The following DNM1L variants were observed in gnomAD, a reference collection of about 807,000 sequenced individuals.
DNM1L encodes dynamin 1L, also known as dynamin-1-like protein.
Under a neutral mutation model 92.8 loss-of-function variants are expected in DNM1L, and 33 were observed. The ratio of observed to expected loss-of-function variants is 0.36; its 90% confidence interval spans 0.27 to 0.48. DNM1L has a LOEUF of 0.48. Among genes scored for constraint, DNM1L ranks in the 20% least tolerant of loss-of-function variants. The probability of loss-of-function intolerance (pLI) is 0.99; values close to 1 mark genes in which losing one functional copy is unlikely to be tolerated. For synonymous variants in DNM1L, 284 were observed against 305.0 expected (o/e 0.93, Z 0.72); for missense variants, 485 against 888.8 (o/e 0.55, Z 5.78).
chr12:32,720,584 A>G, intron 7 of DNM1L, 80 bp from the exon 8 acceptor site: 1 of 1,592,730 alleles, frequency 6.3e-7, no homozygotes, highest in Non-Finnish European at 8.6e-7. Flanking sequence ...ATTAGAGAAC[A>G]ATGCCTGGTG....
At position 32,744,833 on chromosome 12, in the gene DNM1L, C is replaced by G. The variant is rs568934758; in HGVS notation, c.*1423C>G. On this transcript the variant is annotated 3_prime_UTR_variant, in exon 20 of 20. Transcript: ENST00000549701. ...AACATATACATATTTTGTTAAAATT[C>G]CCCAGATGATTCTTGGTATGAACGA... The G allele has an allele frequency of 2.1e-6, 1 of 481,750 alleles. No homozygotes were observed. The highest frequency in any genetic ancestry group is 5.9e-5 in the East Asian group (1 of 17,008). The allele number at this position is 481,750 out of a possible 1,614,324, so 29.8% of individuals were successfully genotyped here.
At position 32,731,248 on chromosome 12, in the gene DNM1L, A is replaced by T; in HGVS notation, c.1201-108A>T. 2.5e-6 allele frequency: 4 copies of T among 1,583,856 alleles called. No homozygotes were observed. The highest frequency in any genetic ancestry group is 3.4e-6 in the Non-Finnish European group (4 of 1,163,124). On this transcript the variant is annotated intron_variant, in intron 10 of 19. Transcript: ENST00000549701. The surrounding 1 kb of genome is among the most constrained non-coding windows in gnomAD (Gnocchi z 5.1). The stretch of plus-strand genomic sequence containing the variant: ...ACAGTTTATTTTGCTCTCATATTTG[A>T]AATTAAAAAGCATTTTTCATGAAAA...
chr12:32,699,139 A>G (rs1209546139), intron 1 of DNM1L, among the ~76,000 whole-genome samples: 1 of 152,202 alleles, frequency 6.6e-6, no homozygotes, highest in Non-Finnish European at 1.5e-5. Context: ...TTCTGTAACT[A>G]ACTCTCAAAT....
chr12:32,709,213 A>G (rs1353394528), intron 4 of DNM1L, among the ~76,000 whole-genome samples: 1 of 152,112 alleles, frequency 6.6e-6, no homozygotes, highest in Admixed American at 6.5e-5. Flanking sequence ...ATTTCTAGTA[A>G]CCATGTTGTA....
At chr12:32,689,885 T>C (rs1403066581) in intron 1 of DNM1L, among the ~76,000 whole-genome samples, 3 of 152,188 alleles carry the variant, frequency 2.0e-5, no homozygotes, top group Admixed American at 6.5e-5. Flanking sequence ...CAGTGCAGTT[T>C]GGAAGAAACT....
At chr12:32,685,102 G>A (rs973667635) in intron 1 of DNM1L, among the ~76,000 whole-genome samples, 8 of 151,830 alleles carry the variant, frequency 5.3e-5, no homozygotes, top group Non-Finnish European at 1.0e-4. Context: ...ACCACGCCCA[G>A]CTAATTTTTT....
intron 8 of DNM1L, 36 bp downstream of exon 8, chr12:32,720,831 G>A: frequency 6.2e-7 from 1 of 1,610,276 alleles, no homozygotes; most frequent in East Asian, 2.2e-5. Context: ...AGATGTGTTT[G>A]TTTTTACCAA....
chr12:32,694,707 C>T (rs961112743), intron 1 of DNM1L, among the ~76,000 whole-genome samples: 1 of 152,040 alleles, frequency 6.6e-6, no homozygotes, highest in Admixed American at 6.6e-5. Flanking sequence ...AAAATGTGTA[C>T]AAGAAAATTA....
chr12:32,729,480 G>A (rs1402255070), intron 9 of DNM1L, among the ~76,000 whole-genome samples: 3 of 152,202 alleles, frequency 2.0e-5, no homozygotes, highest in East Asian at 3.9e-4. Context: ...CTTTGAGACA[G>A]AGCCTCACTT....
chr12:32,719,902 G>T (rs1348167724), intron 7 of DNM1L, among the ~76,000 whole-genome samples: 5 of 152,100 alleles, frequency 3.3e-5, no homozygotes, highest in African/African-American at 1.2e-4. Context: ...GGATTCGGAT[G>T]AATATCTCTT....
chr12:32,712,214 T>G (rs913809430), intron 5 of DNM1L, among the ~76,000 whole-genome samples: 6 of 152,184 alleles, frequency 3.9e-5, no homozygotes, highest in Non-Finnish European at 5.9e-5. Flanking sequence ...TTGTCATTCC[T>G]TGACTTAAAA....
chr12:32,735,427 G>A (rs1214158383), intron 13 of DNM1L, among the ~76,000 whole-genome samples: 1 of 152,016 alleles, frequency 6.6e-6, no homozygotes, highest in Non-Finnish European at 1.5e-5. Context: ...CTTTTGCTTT[G>A]TATCCCTGTT....
Position 32,679,397 on chromosome 12 carries a change from C to T in DNM1L, c.34C>T (p.Gln12Ter). ...EALIPVINKL[Q>*]DVFNTVGADI... ...GCTAATTCCTGTCATAAACAAGCTCCAGGACGTCTTCAACACGGTGGGCGC... is the reference window on the plus strand; with the variant it reads ...GCTAATTCCTGTCATAAACAAGCTCTAGGACGTCTTCAACACGGTGGGCGC... The change falls in exon 1 of 20, where the codon CAG (glutamine) becomes TAG (stop). Residue 12 changes from glutamine (Q) to a stop codon, truncating the protein, a stop_gained. Transcript: ENST00000549701. LOFTEE classifies it high-confidence loss of function. 6.2e-7 allele frequency: 1 copy of T among 1,613,912 alleles called. No homozygotes were observed. The highest frequency in any genetic ancestry group is 8.5e-7 in the Non-Finnish European group (1 of 1,179,924).
intron 1 of DNM1L, among the ~76,000 whole-genome samples, chr12:32,700,100 A>G (rs1952639151): frequency 6.6e-6 from 1 of 152,090 alleles, no homozygotes; most frequent in Admixed American, 6.6e-5. Context: ...GTTTGGTTTT[A>G]TACATAGTAG....
chr12:32,743,433 C>A lies in DNM1L; in HGVS notation c.*23C>A. On this transcript the variant is annotated 3_prime_UTR_variant, in exon 20 of 20. Coordinates refer to ENST00000549701, the MANE Select transcript of DNM1L (RefSeq NM_012062.5). Reference sequence around the variant, plus strand: ...TGAAGAGAACTATGTAATACTGAGACTTTGTTGACTCAAAACTTGCTAGTT... The same window carrying A: ...TGAAGAGAACTATGTAATACTGAGAATTTGTTGACTCAAAACTTGCTAGTT... 5.6e-6 allele frequency: 9 copies of A among 1,611,780 alleles called. No individual in the cohort carries two copies. The highest frequency in any genetic ancestry group is 7.6e-6 in the Non-Finnish European group (9 of 1,178,142).
In DNM1L at chr12:32,718,027, A is replaced by AT. The variant is rs1555121283; in HGVS notation, c.620-616_620-615insT. ...TAATATATATAGTATATATATTATAAATATATACTATACATACTATATATA... is the reference window on the plus strand; with the variant it reads ...TAATATATATAGTATATATATTATAATATATATACTATACATACTATATATA... On this transcript the variant is annotated intron_variant, in intron 6 of 19. Transcript: ENST00000549701. Among the ~76,000 whole-genome samples the AT allele has an allele frequency of 2.0e-3, 251 of 126,050 alleles. 10 individuals carry two copies. The South Asian group carries it at 0.054, about 27-fold the overall frequency. The allele number at this position is 126,050 out of a possible 152,430, so 82.7% of individuals were successfully genotyped here. A position where few individuals can be genotyped will look rare whatever the true frequency, so the allele number is the denominator to read the frequency against.
Position 32,731,213 on chromosome 12 carries a change from A to G in DNM1L, c.1200+79A>G. ...TTACCCATATACTGTGTCTTTTTAA[A>G]TTTAATTATACAGTTTATTTTGCTC... On this transcript the variant is annotated intron_variant, in intron 10 of 19. Coordinates refer to ENST00000549701, the MANE Select transcript of DNM1L (RefSeq NM_012062.5). The surrounding 1 kb of genome is among the most constrained non-coding windows in gnomAD (Gnocchi z 5.1). 1.3e-6 allele frequency: 2 copies of G among 1,599,254 alleles called. No individual in the cohort carries two copies. The highest frequency in any genetic ancestry group is 1.7e-4 in the Middle Eastern group (1 of 5,924).
At chr12:32,685,486 G>T (rs1202323120) in intron 1 of DNM1L, among the ~76,000 whole-genome samples, 1 of 151,032 alleles carries the variant, frequency 6.6e-6, no homozygotes, top group African/African-American at 2.4e-5. Flanking sequence ...TCAGCATCCT[G>T]AGTAGCTGGG....
At chr12:32,713,625 T>A (rs1344294010) in intron 6 of DNM1L, among the ~76,000 whole-genome samples, 1 of 152,144 alleles carries the variant, frequency 6.6e-6, no homozygotes, top group Admixed American at 6.6e-5. Flanking sequence ...AATAATACGG[T>A]GGCTTTGCAA....
Sources: gnomAD v4.1 joint callset for allele counts (sites outside exome capture counted in the v4.1 genomes callset) on GRCh38, gnomAD v4.1.1 for gene constraint, Gnocchi (gnomAD v3.1) non-coding constraint, MANE v1.5 for transcripts, NCBI Gene and HGNC (gene_info 2026-07-23, HGNC 2026-07-21) for gene names.